The following LDB2 variants were observed in gnomAD, a reference collection of about 807,000 sequenced individuals.
The protein encoded by LDB2 is LIM domain-binding protein 2.
Under a neutral mutation model 44.3 loss-of-function variants are expected in LDB2, and 12 were observed. That is an observed-to-expected ratio of 0.27 (90% CI 0.17 to 0.44). LDB2 has a LOEUF of 0.44. Ranked by LOEUF, LDB2 falls within the 20% of genes least tolerant of loss-of-function variation. The pLI is 1.00. For synonymous variants in LDB2, 164 were observed against 174.8 expected, an observed-to-expected ratio of 0.94 and a Z score of 0.49; for missense variants, 344 against 473.5, an observed-to-expected ratio of 0.73 and a Z score of 2.54.
At chr4:16,719,240 A>T (rs766684802) in intron 2 of LDB2, among the ~76,000 whole-genome samples, 2 of 152,154 alleles carry the variant, frequency 1.3e-5, no homozygotes, top group South Asian at 2.1e-4. Context: ...CAACTGGTAG[A>T]TTACTCCTTC....
intron 2 of LDB2, among the ~76,000 whole-genome samples, chr4:16,614,440 G>T (rs543233107): frequency 5.3e-4 from 80 of 152,232 alleles, no homozygotes; most frequent in African/African-American, 1.8e-3. Flanking sequence ...AAACTAAAGA[G>T]CTTCTGCACA....
chr4:16,753,257 G>T (rs1245389801), intron 2 of LDB2, among the ~76,000 whole-genome samples: 1 of 152,182 alleles, frequency 6.6e-6, no homozygotes, highest in Non-Finnish European at 1.5e-5. Flanking sequence ...TATATAGCAA[G>T]CACAGTACAA....
At chr4:16,672,847 C>CCTT (rs1335323059) in intron 2 of LDB2, among the ~76,000 whole-genome samples, 3 of 151,632 alleles carry the variant, frequency 2.0e-5, no homozygotes, top group East Asian at 1.9e-4. Context: ...TTCCTTCCTT[C>CCTT]CTTCCTTTCC....
At chr4:16,531,609 C>A (rs918908028) in intron 5 of LDB2, among the ~76,000 whole-genome samples, 26 of 152,176 alleles carry the variant, frequency 1.7e-4, no homozygotes, top group African/African-American at 5.8e-4. Context: ...TCACCTGTGT[C>A]CCTGGCAACT....
At chr4:16,776,101 C>T (rs1771837950) in intron 1 of LDB2, among the ~76,000 whole-genome samples, 1 of 152,214 alleles carries the variant, frequency 6.6e-6, no homozygotes, top group African/African-American at 2.4e-5. Flanking sequence ...CTTCCATCTC[C>T]CTGGGAGTCA....
intron 1 of LDB2, among the ~76,000 whole-genome samples, chr4:16,794,627 G>A (rs1776380421): frequency 6.6e-6 from 1 of 152,094 alleles, no homozygotes; most frequent in African/African-American, 2.4e-5. Flanking sequence ...TTTATCCCAT[G>A]GGGTTAATAG....
chr4:16,608,550 T>C (rs752532781), intron 2 of LDB2, among the ~76,000 whole-genome samples: 2 of 152,206 alleles, frequency 1.3e-5, no homozygotes, highest in Non-Finnish European at 2.9e-5. Context: ...GCGCATTCTA[T>C]GGGTTCTGAA....
intron 1 of LDB2, among the ~76,000 whole-genome samples, chr4:16,805,473 T>G (rs1198757539): frequency 2.0e-5 from 3 of 152,210 alleles, no homozygotes; most frequent in Non-Finnish European, 2.9e-5. Flanking sequence ...AAATGCTTAT[T>G]CAGGGTGTCC....
intron 2 of LDB2, among the ~76,000 whole-genome samples, chr4:16,688,426 A>AAGT: frequency 6.6e-6 from 1 of 152,340 alleles, no homozygotes; most frequent in African/African-American, 2.4e-5. Context: ...CTGAGAGGCC[A>AAGT]GCTTCGGCCA....
At chr4:16,676,313 A>G (rs1278270466) in intron 2 of LDB2, among the ~76,000 whole-genome samples, 2 of 152,242 alleles carry the variant, frequency 1.3e-5, no homozygotes, top group African/African-American at 4.8e-5. Flanking sequence ...GAAAAAGAAT[A>G]AGACAGCAAA....
chr4:16,524,438 G>A (rs1165057012), intron 5 of LDB2, among the ~76,000 whole-genome samples: 1 of 152,194 alleles, frequency 6.6e-6, no homozygotes, highest in African/African-American at 2.4e-5. Context: ...AGATTCCTAA[G>A]ATAGAGGTAG....
chr4:16,877,656 A>ATGTTT (rs1718833607), intron 1 of LDB2, among the ~76,000 whole-genome samples: 1 of 152,244 alleles, frequency 6.6e-6, no homozygotes, highest in East Asian at 1.9e-4. Context: ...ACATACATAT[A>ATGTTT]TCAGTAGAAA....
chr4:16,512,102 C>T lies in LDB2; in HGVS notation c.618G>A (p.Leu206=), dbSNP rs768371945. ...CCTGCATTGGCTCCAATATTACACA[C>T]AACTGCAAGAAGTTCAAAGACATTG... is the stretch of plus-strand genomic sequence containing the variant. ...LTNFTLNYLR[L]CVILEPMQEL... Residue 206 remains leucine, a splice_region_variant and synonymous_variant, in exon 6 of 8, where the codon TTG becomes TTA. Transcript: ENST00000304523. The T allele has an allele frequency of 6.2e-7, 1 of 1,607,032 alleles. No individual in the cohort carries two copies. Among genetic ancestry groups the T allele is most frequent in the Non-Finnish European group, 8.5e-7 (1 of 1,175,846 alleles).
intron 2 of LDB2, among the ~76,000 whole-genome samples, chr4:16,650,973 G>A (rs972096054): frequency 1.3e-5 from 2 of 152,062 alleles, no homozygotes; most frequent in African/African-American, 2.4e-5. Flanking sequence ...CATGTGTGGG[G>A]GAAATTCAGT....
intron 2 of LDB2, among the ~76,000 whole-genome samples, chr4:16,718,614 C>A (rs754358430): frequency 1.3e-5 from 2 of 152,068 alleles, no homozygotes; most frequent in Non-Finnish European, 2.9e-5. Flanking sequence ...TGAGATATTT[C>A]TCCAAAAATC....
At chr4:16,760,307 C>T (rs1278196409) in intron 1 of LDB2, among the ~76,000 whole-genome samples, 1 of 152,164 alleles carries the variant, frequency 6.6e-6, no homozygotes, top group Admixed American at 6.5e-5. Context: ...CATTAAGTTG[C>T]TCTGCTTATG....
intron 2 of LDB2, among the ~76,000 whole-genome samples, chr4:16,699,885 A>G (rs960684765): frequency 6.6e-6 from 1 of 152,170 alleles, no homozygotes; most frequent in African/African-American, 2.4e-5. Context: ...CTTAGAACGC[A>G]TGTACAGTAG....
intron 6 of LDB2, among the ~76,000 whole-genome samples, chr4:16,509,052 A>G (rs781203436): frequency 2.6e-5 from 4 of 152,180 alleles, no homozygotes; most frequent in East Asian, 1.9e-4. Flanking sequence ...CCTCTGGTGT[A>G]TCTTCTCTTT....
chr4:16,577,422 A>G (rs557324253), intron 5 of LDB2, among the ~76,000 whole-genome samples: 1 of 152,324 alleles, frequency 6.6e-6, no homozygotes, highest in East Asian at 1.9e-4. Flanking sequence ...CCACTTTTCT[A>G]TGCCAACAGT....
Sources: allele counts gnomAD v4.1 joint callset (sites outside exome capture counted in the v4.1 genomes callset), GRCh38; gene constraint gnomAD v4.1.1; transcripts MANE v1.5; gene names NCBI Gene and HGNC (gene_info 2026-07-23, HGNC 2026-07-21).